KIR3DL1: variants seen among roughly 807,000 people sequenced by gnomAD.
KIR3DL1 encodes the protein killer cell immunoglobulin-like receptor 3DL1.
KIR3DL1 carries 50 observed loss-of-function variants against 40.3 expected under a neutral mutation model. The ratio of observed to expected loss-of-function variants is 1.24; its 90% CI spans 0.99 to 1.57. The LOEUF (loss-of-function observed/expected upper bound fraction) is 1.57. Ranked by LOEUF, KIR3DL1 falls within the 40% of genes most tolerant of loss-of-function variation. The probability of loss-of-function intolerance (pLI) is 0.00; values close to 1 mark genes in which losing one functional copy is unlikely to be tolerated. For synonymous variants in KIR3DL1, 257 were observed against 207.2 expected (o/e 1.24, Z -2.07); for missense variants, 661 against 559.9 (o/e 1.18, Z -1.82).
exon 4 of KIR3DL1, chr19:54,819,974 T>C (rs751980456): frequency 1.2e-6 from 2 of 1,611,426 alleles, no homozygotes; most frequent in South Asian, 2.2e-5. Context: ...CCCTATCAGT[T>C]GTCAGCTCCC....
rs1207168707 is a variant in KIR3DL1 at position 54,829,908 on chromosome 19, T to C, written c.1106-20T>C. Reference sequence around the variant, plus strand: ...CAGAAGTGCCCTCCGAGCTCTTTTGTTGACTTCCGTCTCCTACAGATGCTG... The same window carrying C: ...CAGAAGTGCCCTCCGAGCTCTTTTGCTGACTTCCGTCTCCTACAGATGCTG... On this transcript the variant is annotated intron_variant, in intron 7 of 8. Coordinates refer to ENST00000391728, the Ensembl canonical transcript of KIR3DL1. 8.6e-6 allele frequency: 13 copies of C among 1,509,636 alleles called. 1 individual carries two copies. The East Asian group carries it at 2.6e-4, about 30-fold the overall frequency. The allele number at this position is 1,509,636 out of a possible 1,614,324, so 93.5% of individuals were successfully genotyped here. A position where few individuals can be genotyped will look rare whatever the true frequency, so the allele number is the denominator to read the frequency against.
intron 1 of KIR3DL1, among the ~76,000 whole-genome samples, 192 bp from the exon 2 acceptor site, chr19:54,817,342 G>A (rs2061401111): frequency 9.7e-6 from 1 of 102,972 alleles, no homozygotes; most frequent in Non-Finnish European, 2.1e-5. Context: ...AGGCCTGGAG[G>A]TAGAGATCTG....
chr19:54,830,605 A>C, exon 9 of KIR3DL1: 8 of 350,250 alleles, frequency 2.3e-5, no homozygotes, highest in Non-Finnish European at 3.1e-5. Flanking sequence ...AATTCCAAAC[A>C]TACAAGAGGC....
intron 5 of KIR3DL1, 151 bp from the exon 6 acceptor site, chr19:54,824,877 G>A (rs1471307159): frequency 3.3e-5 from 26 of 778,934 alleles, no homozygotes; most frequent in South Asian, 9.5e-5. Flanking sequence ...AGTGGGCATC[G>A]CACACAAAAA....
chr19:54,821,070 C>T (rs1601346280), intron 4 of KIR3DL1, among the ~76,000 whole-genome samples: 1 of 148,964 alleles, frequency 6.7e-6, no homozygotes, highest in Admixed American at 6.7e-5. Context: ...GACAGAGAGG[C>T]AGACAGAGAG....
intron 6 of KIR3DL1, 64 bp from the exon 7 acceptor site, chr19:54,829,296 GC>G: frequency 7.8e-7 from 1 of 1,284,804 alleles, no homozygotes. Context: ...ATCAAGAAAT[GC>G]AAGACAATTC....
chr19:54,822,986 G>C (rs965715164), intron 5 of KIR3DL1, among the ~76,000 whole-genome samples: 1 of 148,850 alleles, frequency 6.7e-6, no homozygotes, highest in African/African-American at 2.5e-5. Context: ...CCTTTCCTTT[G>C]GATATAAACC....
At chr19:54,817,647 G>C (rs373840525) in intron 2 of KIR3DL1, 78 bp downstream of exon 2, 2 of 1,217,134 alleles carry the variant, frequency 1.6e-6, no homozygotes, top group Non-Finnish European at 2.3e-6. Context: ...AAGTCCTGTC[G>C]GGGAGTCTCT....
At chr19:54,816,826 G>A (rs2061364308) in intron 1 of KIR3DL1, among the ~76,000 whole-genome samples, 1 of 132,296 alleles carries the variant, frequency 7.6e-6, no homozygotes, top group South Asian at 2.6e-4. Context: ...GCCTGGAGGG[G>A]AGATGTGGGC....
At chr19:54,829,220 A>T in intron 6 of KIR3DL1, 141 bp from the exon 7 acceptor site, 1 of 682,412 alleles carries the variant, frequency 1.5e-6, no homozygotes, top group Non-Finnish European at 2.5e-6. Context: ...AGAAAGCAGG[A>T]GGAAGCTAGA....
At chr19:54,830,012 G>T (rs770009371) in intron 8 of KIR3DL1, 32 bp downstream of exon 8, 1 of 1,525,526 alleles carries the variant, frequency 6.6e-7, no homozygotes, top group African/African-American at 1.4e-5. Flanking sequence ...CTCGTGGCTA[G>T]TGTTATTCCC....
chr19:54,823,037 T>TC (rs1438921834), intron 5 of KIR3DL1, among the ~76,000 whole-genome samples: 2 of 144,466 alleles, frequency 1.4e-5, no homozygotes, highest in African/African-American at 2.5e-5. Flanking sequence ...TTCTCTTTTT[T>TC]TTTTTTTCTT....
intron 5 of KIR3DL1, among the ~76,000 whole-genome samples, chr19:54,822,279 C>A (rs1371445377): frequency 6.6e-6 from 1 of 151,182 alleles, no homozygotes; most frequent in African/African-American, 2.4e-5. Flanking sequence ...TTAAATGTAA[C>A]TATATAATTT....
intron 6 of KIR3DL1, among the ~76,000 whole-genome samples, chr19:54,828,678 C>T (rs2062035579): frequency 6.7e-6 from 1 of 149,766 alleles, no homozygotes. Flanking sequence ...AACAGGAAGA[C>T]AGCCCAGGCT....
At chr19:54,828,566 T>C (rs1189584485) in intron 6 of KIR3DL1, among the ~76,000 whole-genome samples, 1 of 150,920 alleles carries the variant, frequency 6.6e-6, no homozygotes, top group Non-Finnish European at 1.5e-5. Flanking sequence ...CCATTTGCAG[T>C]GTAGCTGGGG....
At chr19:54,829,035 G>T (rs1385303535) in intron 6 of KIR3DL1, among the ~76,000 whole-genome samples, 2 of 131,374 alleles carry the variant, frequency 1.5e-5, no homozygotes. Flanking sequence ...GTCTCCTTGG[G>T]ACAGCATTGA....
chr19:54,820,818 T>G (rs674712), intron 4 of KIR3DL1, among the ~76,000 whole-genome samples: 27,914 of 150,132 alleles, frequency 0.19, 3,057 homozygotes, highest in South Asian at 0.32. Context: ...GAAAGATAAA[T>G]ATGTGGGGAT....
intron 6 of KIR3DL1, among the ~76,000 whole-genome samples, chr19:54,826,329 T>C (rs1334908107): frequency 1.3e-5 from 2 of 150,494 alleles, no homozygotes; most frequent in African/African-American, 5.0e-5. Context: ...TTCATTTATT[T>C]ATTGAGACAG....
intron 5 of KIR3DL1, among the ~76,000 whole-genome samples, chr19:54,822,956 T>C (rs1235280503): frequency 6.7e-6 from 1 of 148,898 alleles, no homozygotes; most frequent in Non-Finnish European, 1.5e-5. Flanking sequence ...AGTGCAGATA[T>C]CACTTCGATA....
Sources: gnomAD v4.1 joint callset for allele counts (sites outside exome capture counted in the v4.1 genomes callset) on GRCh38, gnomAD v4.1.1 for gene constraint, MANE v1.5 for transcripts, NCBI Gene and HGNC (gene_info 2026-07-23, HGNC 2026-07-21) for gene names.